CHRM3: variants seen among roughly 807,000 people sequenced by gnomAD.
CHRM3 encodes the protein muscarinic acetylcholine receptor M3.
In CHRM3, 11 loss-of-function variants were observed where a neutral mutation model predicts 41.8. That is an observed-to-expected ratio of 0.26 (90% CI 0.17 to 0.44). The LOEUF (loss-of-function observed/expected upper bound fraction) is 0.44. Ranked by LOEUF, CHRM3 falls within the 20% of genes least tolerant of loss-of-function variation. CHRM3 has a pLI of 1.00. For synonymous variants in CHRM3, 297 were observed against 301.4 expected, an observed-to-expected ratio of 0.99 and a Z score of 0.15; for missense variants, 571 against 745.4, an observed-to-expected ratio of 0.77 and a Z score of 2.72.
At chr1:239,880,030 G>A (rs972716213) in intron 6 of CHRM3, among the ~76,000 whole-genome samples, 5 of 152,158 alleles carry the variant, frequency 3.3e-5, no homozygotes, top group African/African-American at 1.2e-4. Context: ...CAAAGAAAGG[G>A]TTTATTCACG....
chr1:239,614,803 C>A (rs193037300), intron 3 of CHRM3, among the ~76,000 whole-genome samples: 2 of 152,090 alleles, frequency 1.3e-5, no homozygotes, highest in Non-Finnish European at 2.9e-5. Context: ...GGTTTAAGGA[C>A]AACAGTGTGC....
chr1:239,804,218 G>A (rs1176231203), intron 5 of CHRM3, among the ~76,000 whole-genome samples: 1 of 152,180 alleles, frequency 6.6e-6, no homozygotes, highest in East Asian at 1.9e-4. Flanking sequence ...TGGAAGGTGG[G>A]AGCATATTAT....
intron 6 of CHRM3, among the ~76,000 whole-genome samples, chr1:239,861,981 G>A (rs559947572): frequency 6.6e-6 from 1 of 152,052 alleles, no homozygotes; most frequent in Non-Finnish European, 1.5e-5. Context: ...GTTTGTACTA[G>A]AGCCACCAAA....
At chr1:239,809,592 G>A (rs1031912847) in intron 5 of CHRM3, among the ~76,000 whole-genome samples, 3 of 151,860 alleles carry the variant, frequency 2.0e-5, no homozygotes, top group Non-Finnish European at 2.9e-5. Flanking sequence ...CAACTTCCCA[G>A]GCTCAAGTGA....
intron 3 of CHRM3, among the ~76,000 whole-genome samples, chr1:239,598,250 C>T (rs180802762): frequency 1.7e-3 from 254 of 152,116 alleles, no homozygotes; most frequent in African/African-American, 4.3e-3. Context: ...ATTTCGCTGC[C>T]AGTCCAGCAG....
At chr1:239,852,289 G>T (rs1357219214) in intron 6 of CHRM3, among the ~76,000 whole-genome samples, 1 of 152,150 alleles carries the variant, frequency 6.6e-6, no homozygotes, top group Non-Finnish European at 1.5e-5. Flanking sequence ...TGAAAAAGCA[G>T]TGTATTAGGC....
At chr1:239,744,760 C>T (rs1665197632) in intron 5 of CHRM3, among the ~76,000 whole-genome samples, 1 of 152,038 alleles carries the variant, frequency 6.6e-6, no homozygotes, top group Non-Finnish European at 1.5e-5. Context: ...GCCTGGAAGA[C>T]ATCTGGGCTG....
intron 3 of CHRM3, among the ~76,000 whole-genome samples, chr1:239,554,255 G>T (rs113366141): frequency 8.5e-5 from 13 of 152,292 alleles, no homozygotes; most frequent in African/African-American, 2.9e-4. Context: ...TCATGTTGTA[G>T]ATGAGTTTAG....
chr1:239,496,131 A>G (rs1572500324), intron 2 of CHRM3, among the ~76,000 whole-genome samples: 1 of 151,948 alleles, frequency 6.6e-6, no homozygotes. Flanking sequence ...CTCTCTATTT[A>G]TTTCTTTTTT....
intron 3 of CHRM3, among the ~76,000 whole-genome samples, chr1:239,558,477 C>T (rs1468019666): frequency 1.3e-5 from 2 of 152,278 alleles, no homozygotes; most frequent in East Asian, 1.9e-4. Context: ...AACTCATATC[C>T]AGCGACACTC....
rs372176217 is a variant in CHRM3, at chr1:239,862,551, A to G, written c.-20+35173A>G. Among the ~76,000 whole-genome samples the G allele has an allele frequency of 1.1e-3, 166 of 152,368 alleles. 1 individual carries two copies. The South Asian group carries it at 0.033, about 30-fold the overall frequency. ...TGAAAAAAAAAGATTGAAATTAAAA[A>G]TAGCACTTAGAGGTCAAGATTTTCA... is the stretch of plus-strand genomic sequence containing the variant. On this transcript the variant is annotated intron_variant, in intron 6 of 6. Coordinates refer to ENST00000676153, the MANE Select transcript of CHRM3 (RefSeq NM_001375978.1).
intron 1 of CHRM3, among the ~76,000 whole-genome samples, chr1:239,488,831 C>T (rs1378690300): frequency 2.1e-5 from 3 of 144,660 alleles, no homozygotes; most frequent in Non-Finnish European, 4.5e-5. Flanking sequence ...ACAGCATATA[C>T]TGTACTTAAG....
At chr1:239,661,220 T>G (rs1338660476) in intron 4 of CHRM3, among the ~76,000 whole-genome samples, 3 of 152,214 alleles carry the variant, frequency 2.0e-5, no homozygotes, top group Non-Finnish European at 4.4e-5. Context: ...ATTACCCTTT[T>G]GTTACTAAAT....
At chr1:239,667,647 C>T (rs1358825936) in intron 4 of CHRM3, among the ~76,000 whole-genome samples, 1 of 152,142 alleles carries the variant, frequency 6.6e-6, no homozygotes, top group Non-Finnish European at 1.5e-5. Context: ...TCATCCTTTC[C>T]CTTGTCACGT....
chr1:239,850,624 C>T (rs1043571162), intron 6 of CHRM3, among the ~76,000 whole-genome samples: 20 of 152,140 alleles, frequency 1.3e-4, no homozygotes, highest in African/African-American at 4.6e-4. Flanking sequence ...CATCTTGAAT[C>T]GTAATCCCCA....
intron 5 of CHRM3, among the ~76,000 whole-genome samples, chr1:239,825,661 T>C (rs59811057): frequency 0.28 from 42,499 of 152,120 alleles, 6,111 homozygotes; most frequent in Middle Eastern, 0.38. Context: ...AAATAAAATG[T>C]AATATACACA....
chr1:239,444,177 T>A (rs1663949936), intron 1 of CHRM3, among the ~76,000 whole-genome samples: 1 of 152,140 alleles, frequency 6.6e-6, no homozygotes, highest in African/African-American at 2.4e-5. Context: ...GCTGTGGGTC[T>A]TTGTTCAGGA....
At chr1:239,611,588 C>T (rs1030107792) in intron 3 of CHRM3, among the ~76,000 whole-genome samples, 52 of 151,802 alleles carry the variant, frequency 3.4e-4, no homozygotes, top group Admixed American at 2.0e-3. Context: ...GCCCGGCTAA[C>T]TTTTTTATTT....
At chr1:239,553,382 A>G (rs1156603573) in intron 3 of CHRM3, among the ~76,000 whole-genome samples, 1 of 152,082 alleles carries the variant, frequency 6.6e-6, no homozygotes, top group African/African-American at 2.4e-5. Context: ...GTGGGAACCA[A>G]TGTGCATACA....
Sources: allele counts gnomAD v4.1 joint callset (sites outside exome capture counted in the v4.1 genomes callset), GRCh38; gene constraint gnomAD v4.1.1; transcripts MANE v1.5; gene names NCBI Gene and HGNC (gene_info 2026-07-23, HGNC 2026-07-21).